The following ERMARD variants were observed in gnomAD, a reference collection of about 807,000 sequenced individuals.
ERMARD encodes endoplasmic reticulum membrane-associated RNA degradation protein.
Under a neutral mutation model 83.9 loss-of-function variants are expected in ERMARD, and 71 were observed. That is an observed-to-expected ratio of 0.85 (90% CI 0.70 to 1.03). The LOEUF (loss-of-function observed/expected upper bound fraction) is 1.03, where lower values mean the gene tolerates loss of function less well. Among genes scored for constraint, ERMARD ranks in the 50% least tolerant of loss-of-function variants. The pLI is 0.00. For synonymous variants in ERMARD, 284 were observed against 298.6 expected (o/e 0.95, Z 0.50); for missense variants, 838 against 810.9 (o/e 1.03, Z -0.41).
Position 169,779,282 on chromosome 6 carries a change from C to CA in ERMARD, c.1841dup (p.Gln615AlafsTer29). Reference sequence around the variant, plus strand: ...TTGTGGGAAGAATGCGCATGAGTATCAGCAGTACCTAAAGTAAGTGTGTCA... The same window carrying CA: ...TTGTGGGAAGAATGCGCATGAGTATCAAGCAGTACCTAAAGTAAGTGTGTCA... On this transcript the variant is annotated frameshift_variant, in exon 17 of 18. Coordinates refer to ENST00000366773, the MANE Select transcript of ERMARD (RefSeq NM_018341.3). LOFTEE classifies it low-confidence loss of function (END_TRUNC). 6.2e-7 allele frequency: 1 copy of CA among 1,614,004 alleles called. No individual in the cohort carries two copies. The highest frequency in any genetic ancestry group is 8.5e-7 in the Non-Finnish European group (1 of 1,179,872).
chr6:169,754,597 C>T (rs763204246), intron 2 of ERMARD, among the ~76,000 whole-genome samples: 19 of 152,084 alleles, frequency 1.2e-4, no homozygotes, highest in Non-Finnish European at 2.6e-4. Flanking sequence ...AACAGCCAAA[C>T]ATCAAGCAGT....
intron 1 of ERMARD, 136 bp from the exon 2 acceptor site, chr6:169,753,728 T>G (rs1429436701): frequency 1.1e-5 from 6 of 540,538 alleles, no homozygotes; most frequent in Non-Finnish European, 1.5e-5. Context: ...ATCATACAGC[T>G]CTCACGATAT....
rs1793126036 is a variant in ERMARD, at chr6:169,772,799, G to A, written c.1234-520G>A. ...AAAAAAAAAAAAAAAAAAAATTGTA[G>A]GTAGTTACAGATTTTTTAATTTGTC... On this transcript the variant is annotated intron_variant, in intron 12 of 17. Transcript: ENST00000366773. 6.0e-5 allele frequency among the ~76,000 whole-genome samples: 9 copies of A among 150,630 alleles called. No homozygotes were observed. The South Asian group carries it at 1.9e-3, about 32-fold the overall frequency.
chr6:169,773,317 A>G lies in ERMARD; in HGVS notation c.1234-2A>G. Reference sequence around the variant, plus strand: ...TAGTAACCACTGTTTTCTCTGCACTAGGAAAAATCAGCCGTAGAATTGTTG... The same window carrying G: ...TAGTAACCACTGTTTTCTCTGCACTGGGAAAAATCAGCCGTAGAATTGTTG... On this transcript the variant is annotated splice_acceptor_variant, in intron 12 of 17. Transcript: ENST00000366773. LOFTEE classifies it high-confidence loss of function. The G allele has an allele frequency of 1.2e-6, 2 of 1,613,968 alleles. No individual in the cohort carries two copies. Among genetic ancestry groups the G allele is most frequent in the Non-Finnish European group, 1.7e-6 (2 of 1,179,858 alleles).
At chr6:169,775,452 G>A in intron 14 of ERMARD, 106 bp downstream of exon 14, 1 of 1,253,418 alleles carries the variant, frequency 8.0e-7, no homozygotes, top group Non-Finnish European at 1.1e-6. Flanking sequence ...AGGGGAAGGA[G>A]GAATTTCTGG....
chr6:169,755,329 G>A lies in ERMARD; in HGVS notation c.222G>A (p.Val74=). The part of the protein sequence containing the change: ...YWGSVRLLGP[V]CEAVHSHFLS... ...GAAGCGTGAGGCTGCTGGGCCCTGT[G>A]TGTGAGGCTGTCCATTCACATTTCT... Residue 74 remains valine (V), a synonymous_variant, in exon 3 of 18, where the codon GTG becomes GTA. Coordinates refer to ENST00000366773, the MANE Select transcript of ERMARD (RefSeq NM_018341.3). 1.2e-6 allele frequency: 2 copies of A among 1,614,176 alleles called. No individual in the cohort carries two copies. The highest frequency in any genetic ancestry group is 2.2e-5 in the South Asian group (2 of 91,082).
chr6:169,775,893 T>C (rs1260368837), intron 14 of ERMARD, 47 bp from the exon 15 acceptor site: 1 of 1,605,880 alleles, frequency 6.2e-7, no homozygotes. Context: ...GGCACTGATG[T>C]GAGCACTTTA....
intron 10 of ERMARD, 91 bp downstream of exon 10, chr6:169,766,758 C>T: frequency 7.6e-7 from 1 of 1,313,810 alleles, no homozygotes; most frequent in East Asian, 2.6e-5. Flanking sequence ...AAAGATCAGC[C>T]ATAAATCATA....
chr6:169,773,067 T>G, intron 12 of ERMARD: 1 of 401,246 alleles, frequency 2.5e-6, no homozygotes, highest in Non-Finnish European at 4.4e-6. Flanking sequence ...TCATCTCCAG[T>G]TTTGTGCACA....
chr6:169,768,610 G>A (rs193074876), intron 11 of ERMARD, among the ~76,000 whole-genome samples: 102 of 152,206 alleles, frequency 6.7e-4, no homozygotes, highest in African/African-American at 2.4e-3. Flanking sequence ...GCAAAAATTA[G>A]CTGGGTGCGG....
chr6:169,764,665 T>C (rs1791978271), intron 9 of ERMARD, among the ~76,000 whole-genome samples: 1 of 152,210 alleles, frequency 6.6e-6, no homozygotes, highest in South Asian at 2.1e-4. Context: ...GCCTGCCAGA[T>C]GGAGTTCATC....
At chr6:169,777,295 C>G (rs936359667) in intron 16 of ERMARD, among the ~76,000 whole-genome samples, 2 of 152,142 alleles carry the variant, frequency 1.3e-5, no homozygotes, top group Non-Finnish European at 2.9e-5. Context: ...AACTACATTG[C>G]CAGGGAGAAA....
At chr6:169,755,531 C>T (rs1370898342) in intron 3 of ERMARD, 109 bp downstream of exon 3, 13 of 1,400,672 alleles carry the variant, frequency 9.3e-6, no homozygotes, top group African/African-American at 2.9e-5. Context: ...GGCCCTCCAG[C>T]GGTGAAGTGT....
chr6:169,752,309 C>T (rs901270816), intron 1 of ERMARD, among the ~76,000 whole-genome samples: 13 of 152,202 alleles, frequency 8.5e-5, no homozygotes, highest in Non-Finnish European at 8.8e-5. Flanking sequence ...CTACCAGGTG[C>T]AGCCTGGCAC....
chr6:169,758,177 C>G (rs942229392), intron 5 of ERMARD, among the ~76,000 whole-genome samples: 1 of 152,258 alleles, frequency 6.6e-6, no homozygotes, highest in Non-Finnish European at 1.5e-5. Flanking sequence ...ATTCCCTTCT[C>G]AACAGCCATC....
chr6:169,762,712 T>C (rs916957032), intron 9 of ERMARD, among the ~76,000 whole-genome samples, 181 bp downstream of exon 9: 6 of 152,232 alleles, frequency 3.9e-5, no homozygotes, highest in Non-Finnish European at 8.8e-5. Flanking sequence ...ATGATTGTTT[T>C]TGATATTTCT....
At position 169,775,265 on chromosome 6, in the gene ERMARD, C is replaced by A; in HGVS notation, c.1318-5C>A. 1.2e-6 allele frequency: 2 copies of A among 1,613,868 alleles called. No homozygotes were observed. Among genetic ancestry groups the A allele is most frequent in the Middle Eastern group, 1.7e-4 (1 of 6,056 alleles). ...CTACAAAAGCAATAAAACATTTCCT[C>A]CCAGGTGCTGAGCTGTGAGGAGAGC... is the stretch of plus-strand genomic sequence containing the variant. On this transcript the variant is annotated splice_polypyrimidine_tract_variant and splice_region_variant and intron_variant, in intron 13 of 17. Transcript: ENST00000366773.
At chr6:169,780,472 G>A (rs2128370400) in intron 17 of ERMARD, among the ~76,000 whole-genome samples, 1 of 152,324 alleles carries the variant, frequency 6.6e-6, no homozygotes, top group South Asian at 2.1e-4. Flanking sequence ...TGTGGAAAAA[G>A]TAAAGATGAC....
At chr6:169,762,328 G>C in intron 8 of ERMARD, 101 bp from the exon 9 acceptor site, 1 of 1,082,954 alleles carries the variant, frequency 9.2e-7, no homozygotes, top group East Asian at 2.4e-5. Context: ...TCCCACCTTG[G>C]CTTCCCAAAA....
Sources: gnomAD v4.1 joint callset for allele counts (sites outside exome capture counted in the v4.1 genomes callset) on GRCh38, gnomAD v4.1.1 for gene constraint, MANE v1.5 for transcripts, NCBI Gene and HGNC (gene_info 2026-07-23, HGNC 2026-07-21) for gene names.